The following SUPT3H variants were observed in gnomAD, a reference collection of about 807,000 sequenced individuals.
SUPT3H encodes the protein SPT3 homolog, SAGA and STAGA complex component.
A neutral mutation model predicts 44.3 loss-of-function variants in SUPT3H; 44 were observed. The ratio of observed to expected loss-of-function variants is 0.99; its 90% CI spans 0.78 to 1.28. The LOEUF is 1.28. SUPT3H is among the 50% of genes most tolerant of loss of function. The pLI is 0.00. For missense variants in SUPT3H, 380 were observed against 387.1 expected (o/e 0.98, Z 0.15); for synonymous variants, 124 against 125.6 (o/e 0.99, Z 0.09).
intron 2 of SUPT3H, among the ~76,000 whole-genome samples, chr6:45,175,371 A>C (rs1811568207): frequency 6.6e-6 from 1 of 152,190 alleles, no homozygotes; most frequent in Non-Finnish European, 1.5e-5. Context: ...GCGATGGGGA[A>C]GCAAGGCACT....
intron 10 of SUPT3H, among the ~76,000 whole-genome samples, chr6:44,924,967 AC>A (rs1769297647): frequency 6.6e-6 from 1 of 152,158 alleles, no homozygotes. Flanking sequence ...ATGCAGACAA[AC>A]CTAATGTGCT....
chr6:45,184,803 A>AAAAAT (rs1813899799), intron 2 of SUPT3H, among the ~76,000 whole-genome samples: 1 of 138,382 alleles, frequency 7.2e-6, no homozygotes, highest in African/African-American at 2.6e-5. Context: ...AAAAAAAAAA[A>AAAAAT]CTCCAAGGAA....
At chr6:44,886,536 G>T (rs1486693793) in intron 10 of SUPT3H, among the ~76,000 whole-genome samples, 1 of 152,138 alleles carries the variant, frequency 6.6e-6, no homozygotes, top group East Asian at 1.9e-4. Flanking sequence ...AAGTGAAGGA[G>T]AAATAAAATC....
intron 10 of SUPT3H, among the ~76,000 whole-genome samples, chr6:44,917,961 C>T (rs1768073735): frequency 1.3e-5 from 2 of 152,138 alleles, no homozygotes; most frequent in Non-Finnish European, 2.9e-5. Context: ...ATATTGGCTT[C>T]CTCATTAGCA....
intron 2 of SUPT3H, among the ~76,000 whole-genome samples, chr6:45,258,062 G>A (rs942140891): frequency 3.3e-5 from 5 of 152,116 alleles, no homozygotes; most frequent in African/African-American, 4.8e-5. Context: ...TGTTAACATC[G>A]TTCTTGAATA....
At chr6:45,227,915 A>G (rs1767232826) in intron 2 of SUPT3H, among the ~76,000 whole-genome samples, 1 of 152,216 alleles carries the variant, frequency 6.6e-6, no homozygotes, top group African/African-American at 2.4e-5. Flanking sequence ...AAAATAAAAC[A>G]AAATGAAACT....
intron 2 of SUPT3H, among the ~76,000 whole-genome samples, chr6:45,172,289 T>C (rs1028559165): frequency 6.6e-6 from 1 of 151,664 alleles, no homozygotes; most frequent in Non-Finnish European, 1.5e-5. Flanking sequence ...GCCAGAATGG[T>C]CTCGATCTCT....
chr6:45,200,277 A>G (rs1245121795), intron 2 of SUPT3H, among the ~76,000 whole-genome samples: 1 of 151,492 alleles, frequency 6.6e-6, no homozygotes, highest in African/African-American at 2.4e-5. Context: ...TAATTGTATT[A>G]TCATACAAAA....
At chr6:45,341,308 T>C (rs974180165) in intron 2 of SUPT3H, among the ~76,000 whole-genome samples, 2 of 152,170 alleles carry the variant, frequency 1.3e-5, no homozygotes, top group South Asian at 4.1e-4. Context: ...TATGATATGA[T>C]ACATGAGATA....
At chr6:45,027,718 G>T (rs1786246823) in intron 3 of SUPT3H, among the ~76,000 whole-genome samples, 1 of 152,128 alleles carries the variant, frequency 6.6e-6, no homozygotes, top group African/African-American at 2.4e-5. Context: ...CTGAGAAAGG[G>T]TGCAAGGGAA....
intron 3 of SUPT3H, among the ~76,000 whole-genome samples, chr6:45,102,600 T>TGTGGTACA (rs1798731382): frequency 6.6e-6 from 1 of 152,156 alleles, no homozygotes; most frequent in Non-Finnish European, 1.5e-5. Context: ...TGCCTTCCAA[T>TGTGGTACA]GTGGTACAGT....
intron 7 of SUPT3H, 62 bp downstream of exon 7, chr6:44,961,691 T>C (rs942561276): frequency 4.9e-5 from 63 of 1,288,520 alleles, no homozygotes; most frequent in Non-Finnish European, 6.8e-5. Context: ...TGTCATACTT[T>C]AGTACATCTA....
At chr6:45,348,544 G>A (rs148415754) in intron 2 of SUPT3H, among the ~76,000 whole-genome samples, 3,863 of 137,960 alleles carry the variant, frequency 0.028, 193 homozygotes, top group African/African-American at 0.099. Flanking sequence ...GTATGGTGGC[G>A]CATGCCTGTA....
At chr6:44,979,986 G>C (rs1461776964) in intron 6 of SUPT3H, among the ~76,000 whole-genome samples, 1 of 152,150 alleles carries the variant, frequency 6.6e-6, no homozygotes, top group East Asian at 1.9e-4. Context: ...TATTAGTTAA[G>C]ATTATTTCTG....
chr6:45,158,201 G>GAGATAGATAGATAGAT (rs3054762), intron 2 of SUPT3H, among the ~76,000 whole-genome samples: 2 of 121,946 alleles, frequency 1.6e-5, no homozygotes, highest in African/African-American at 3.2e-5. Flanking sequence ...AGAAACCATA[G>GAGATAGATAGATAGAT]AGATAGATAG....
intron 6 of SUPT3H, among the ~76,000 whole-genome samples, chr6:44,994,197 T>C (rs904456372): frequency 1.3e-5 from 2 of 152,156 alleles, no homozygotes; most frequent in African/African-American, 4.8e-5. Context: ...CCATATTTTA[T>C]CTTTTTTTAA....
At chr6:45,117,097 C>T (rs1385767985) in intron 2 of SUPT3H, among the ~76,000 whole-genome samples, 1 of 151,970 alleles carries the variant, frequency 6.6e-6, no homozygotes, top group African/African-American at 2.4e-5. Flanking sequence ...ATATTTAGGT[C>T]CTACCCAAGT....
chr6:44,809,818 T>G (rs1766389922), intron 11 of SUPT3H, among the ~76,000 whole-genome samples: 1 of 152,152 alleles, frequency 6.6e-6, no homozygotes. Context: ...TAGTAGAACT[T>G]CAATGCTCCC....
chr6:45,129,635 T>G (rs1803099278), intron 2 of SUPT3H, among the ~76,000 whole-genome samples: 1 of 152,222 alleles, frequency 6.6e-6, no homozygotes, highest in Non-Finnish European at 1.5e-5. Context: ...AGGCAGCTAC[T>G]GATTTTTGTA....
Sources: allele counts gnomAD v4.1 joint callset (sites outside exome capture counted in the v4.1 genomes callset), GRCh38; gene constraint gnomAD v4.1.1; transcripts MANE v1.5; gene names NCBI Gene and HGNC (gene_info 2026-07-23, HGNC 2026-07-21).